Variants in IL1RAPL1 observed in about 807,000 individuals in gnomAD.
IL1RAPL1 encodes interleukin-1 receptor accessory protein-like 1.
A neutral mutation model predicts 48.4 loss-of-function variants in IL1RAPL1; 3 were observed. The ratio of observed to expected loss-of-function variants is 0.06; its 90% CI spans 0.03 to 0.16. IL1RAPL1 has a LOEUF of 0.16. Ranked by LOEUF, IL1RAPL1 falls within the 10% of genes least tolerant of loss-of-function variation. The pLI, the probability that IL1RAPL1 is intolerant of heterozygous loss-of-function variation, is 1.00. For synonymous variants in IL1RAPL1, 185 were observed against 187.7 expected (o/e 0.99, Z 0.12); for missense variants, 349 against 530.6 (o/e 0.66, Z 3.36).
At position 29,562,097 on chromosome X, in the gene IL1RAPL1, C is replaced by G. The variant is rs1282522456; in HGVS notation, c.704-106333C>G. On this transcript the variant is annotated intron_variant, in intron 5 of 10. Coordinates refer to ENST00000378993, the MANE Select transcript of IL1RAPL1 (RefSeq NM_014271.4). The stretch of plus-strand genomic sequence containing the variant: ...CTATCTATCTAATCTATCTGTCTAT[C>G]TATCTATCTATCTATCTAATCTATC... Among the ~76,000 whole-genome samples, 5 of 71,575 alleles carry G rather than the reference C, an allele frequency of 7.0e-5. No individual in the cohort carries two copies. In the East Asian group the frequency reaches 1.5e-3, roughly 21 times the overall value. 62.2% of individuals were successfully genotyped at this position (71,575 alleles called of 115,157 possible).
intron 5 of IL1RAPL1, among the ~76,000 whole-genome samples, chrX:29,638,366 G>A (rs190430022): frequency 2.0e-3 from 217 of 108,765 alleles, no homozygotes; most frequent in Middle Eastern, 9.3e-3. Flanking sequence ...CGCCTCCCGG[G>A]TTCAAGCGAT....
intron 1 of IL1RAPL1, among the ~76,000 whole-genome samples, chrX:28,734,907 T>C (rs1054701859): frequency 8.9e-6 from 1 of 112,204 alleles, no homozygotes; most frequent in African/African-American, 3.2e-5. Flanking sequence ...GCAGATCTTA[T>C]GCAAGATACC....
chrX:29,634,583 A>G (rs1284037548), intron 5 of IL1RAPL1, among the ~76,000 whole-genome samples: 3 of 111,133 alleles, frequency 2.7e-5, no homozygotes, highest in Non-Finnish European at 3.8e-5. Flanking sequence ...TCAGCAGAAA[A>G]CACTCCAACC....
chrX:28,922,448 G>C (rs1397671087), intron 2 of IL1RAPL1, among the ~76,000 whole-genome samples: 5 of 111,687 alleles, frequency 4.5e-5, no homozygotes, highest in Non-Finnish European at 9.4e-5. Context: ...GTAAAAGCAA[G>C]GACTCACATA....
intron 6 of IL1RAPL1, among the ~76,000 whole-genome samples, chrX:29,719,743 CAAAAAAAAAA>C (rs372308075): frequency 1.8e-4 from 4 of 21,894 alleles, no homozygotes; most frequent in Non-Finnish European, 4.3e-4. Context: ...GAAAGATGAG[CAAAAAAAAAA>C]AAAAAAAAAA....
intron 2 of IL1RAPL1, among the ~76,000 whole-genome samples, chrX:29,255,522 T>C (rs1931742560): frequency 9.0e-6 from 1 of 111,112 alleles, no homozygotes; most frequent in Non-Finnish European, 1.9e-5. Flanking sequence ...TATTGCATGA[T>C]ACTGAAGTTT....
intron 2 of IL1RAPL1, among the ~76,000 whole-genome samples, chrX:29,058,358 A>G (rs1026441497): frequency 9.1e-6 from 1 of 110,357 alleles, no homozygotes; most frequent in African/African-American, 3.3e-5. Context: ...GCCTAGCGAC[A>G]GAGTGAGATT....
At chrX:29,828,589 G>A (rs1930796005) in intron 6 of IL1RAPL1, among the ~76,000 whole-genome samples, 1 of 112,184 alleles carries the variant, frequency 8.9e-6, no homozygotes, top group Non-Finnish European at 1.9e-5. Context: ...ATCAGGACTG[G>A]ATGTACATGT....
At chrX:29,549,277 T>C (rs1921726483) in intron 5 of IL1RAPL1, among the ~76,000 whole-genome samples, 1 of 111,652 alleles carries the variant, frequency 9.0e-6, no homozygotes, top group South Asian at 3.7e-4. Flanking sequence ...AAATCATCTC[T>C]CTGTCTAGTC....
intron 2 of IL1RAPL1, among the ~76,000 whole-genome samples, chrX:29,242,005 CAG>C (rs1931430925): frequency 9.0e-6 from 1 of 111,567 alleles, no homozygotes; most frequent in Non-Finnish European, 1.9e-5. Context: ...GACCTGCAAA[CAG>C]AGAGTCTTCA....
intron 2 of IL1RAPL1, among the ~76,000 whole-genome samples, chrX:29,069,765 AT>A: frequency 9.0e-6 from 1 of 110,539 alleles, no homozygotes; most frequent in East Asian, 2.8e-4. Context: ...TAAACAGCTA[AT>A]TTTTTATTTC....
intron 3 of IL1RAPL1, among the ~76,000 whole-genome samples, chrX:29,367,705 C>T (rs2147664277): frequency 9.2e-6 from 1 of 108,588 alleles, no homozygotes; most frequent in African/African-American, 3.3e-5. Context: ...CTCAGCCTCC[C>T]AAGTAGCTGG....
At chrX:28,721,850 G>A (rs1313521197) in intron 1 of IL1RAPL1, among the ~76,000 whole-genome samples, 4 of 111,119 alleles carry the variant, frequency 3.6e-5, no homozygotes, top group African/African-American at 1.3e-4. Flanking sequence ...ATTAAATAGG[G>A]AATCCTTTCC....
At chrX:29,679,939 G>A (rs1243474903) in intron 6 of IL1RAPL1, among the ~76,000 whole-genome samples, 2 of 112,079 alleles carry the variant, frequency 1.8e-5, no homozygotes, top group Non-Finnish European at 3.8e-5. Context: ...CAGTCACTAT[G>A]TGCATGACCT....
intron 1 of IL1RAPL1, among the ~76,000 whole-genome samples, chrX:28,604,609 C>T (rs1934063125): frequency 9.3e-6 from 1 of 107,266 alleles, no homozygotes; most frequent in Admixed American, 1.0e-4. Flanking sequence ...CACCTGTAGT[C>T]CCAGCTACTT....
chrX:29,292,489 A>G (rs1348249218), intron 3 of IL1RAPL1, among the ~76,000 whole-genome samples: 4 of 112,257 alleles, frequency 3.6e-5, no homozygotes, highest in Non-Finnish European at 7.5e-5. Flanking sequence ...ATGATACAGT[A>G]TACTTTTAAT....
intron 6 of IL1RAPL1, among the ~76,000 whole-genome samples, chrX:29,796,124 G>A (rs1048862388): frequency 6.3e-5 from 7 of 111,485 alleles, no homozygotes; most frequent in South Asian, 3.8e-4. Flanking sequence ...TCATATTCCC[G>A]AATAAACTGT....
chrX:29,230,528 A>AAAAAAAAAAAAAAAAAC (rs748535251), intron 2 of IL1RAPL1, among the ~76,000 whole-genome samples: 1 of 99,108 alleles, frequency 1.0e-5, no homozygotes, highest in Non-Finnish European at 2.0e-5. Flanking sequence ...AAAAAAAAAA[A>AAAAAAAAAAAAAAAAAC]AAAAAAACCT....
chrX:29,422,824 A>T (rs181896640), intron 5 of IL1RAPL1, among the ~76,000 whole-genome samples: 20 of 111,417 alleles, frequency 1.8e-4, no homozygotes, highest in African/African-American at 5.2e-4. Context: ...TGTAAACCAA[A>T]AATAAAAGTC....
Sources: allele counts gnomAD v4.1 joint callset (sites outside exome capture counted in the v4.1 genomes callset), GRCh38; gene constraint gnomAD v4.1.1; transcripts MANE v1.5; gene names NCBI Gene and HGNC (gene_info 2026-07-23, HGNC 2026-07-21).